KLHL14: variants seen among roughly 807,000 people sequenced by gnomAD.
The protein encoded by KLHL14 is kelch like family member 14.
A neutral mutation model predicts 64.3 loss-of-function variants in KLHL14; 22 were observed. The ratio of observed to expected loss-of-function variants is 0.34; its 90% CI spans 0.24 to 0.49. The LOEUF is 0.49. KLHL14 is among the 20% of genes least tolerant of loss of function. KLHL14 has a pLI of 0.99. For missense variants in KLHL14, 661 were observed against 789.0 expected, an observed-to-expected ratio of 0.84 and a Z score of 1.94; for synonymous variants, 322 against 333.4, an observed-to-expected ratio of 0.97 and a Z score of 0.37.
intron 2 of KLHL14, among the ~76,000 whole-genome samples, chr18:32,756,578 T>C (rs2050283187): frequency 6.6e-6 from 1 of 152,176 alleles, no homozygotes; most frequent in Non-Finnish European, 1.5e-5. Context: ...GCACAAGAGG[T>C]GTCCCTTTTC....
In KLHL14 at chr18:32,770,493, G is replaced by A; in HGVS notation, c.99C>T (p.Cys33=). ...LNLLWRKQLF[C]DVTLTAQGQQ... The stretch of plus-strand genomic sequence containing the variant: ...GGCCCTGGGCCGTCAGGGTCACGTC[G>A]CAAAACAGCTGCTTCCTCCACAGCA... The change falls in exon 2 of 9, where the codon TGC becomes TGT. Residue 33 remains cysteine (C), a synonymous_variant. Coordinates refer to ENST00000359358, the MANE Select transcript of KLHL14 (RefSeq NM_020805.3). The surrounding 1 kb of genome is among the most constrained non-coding windows in gnomAD (Gnocchi z 6.7). The A allele has an allele frequency of 1.9e-6, 3 of 1,612,036 alleles. No homozygotes were observed. The highest frequency in any genetic ancestry group is 1.7e-4 in the Middle Eastern group (1 of 6,060).
chr18:32,740,145 G>C (rs2050188768), intron 3 of KLHL14, among the ~76,000 whole-genome samples: 1 of 152,154 alleles, frequency 6.6e-6, no homozygotes, highest in Non-Finnish European at 1.5e-5. Flanking sequence ...CCTCCAAGCA[G>C]AGCGTTAATT....
chr18:32,708,819 G>A (rs1017094405), intron 3 of KLHL14, among the ~76,000 whole-genome samples: 17 of 152,156 alleles, frequency 1.1e-4, no homozygotes, highest in African/African-American at 4.1e-4. Context: ...GAAGGAGCTC[G>A]TGTTGTGAGA....
At chr18:32,728,946 C>T (rs186872078) in intron 3 of KLHL14, among the ~76,000 whole-genome samples, 13 of 152,280 alleles carry the variant, frequency 8.5e-5, no homozygotes, top group African/African-American at 2.9e-4. Flanking sequence ...GGAGGGAGCA[C>T]GGCCCTGCTG....
intron 8 of KLHL14, 141 bp from the exon 9 acceptor site, chr18:32,674,938 G>A (rs1283140855): frequency 1.8e-6 from 1 of 565,948 alleles, no homozygotes; most frequent in Non-Finnish European, 3.2e-6. Flanking sequence ...GAAAGCAATG[G>A]ATTTTAAACT....
In KLHL14 at chr18:32,680,478, C is replaced by T. The variant is rs1022470981; in HGVS notation, c.1360G>A (p.Val454Met). 2 of 1,613,916 alleles carry T rather than the reference C, an allele frequency of 1.2e-6. No homozygotes were observed. Among genetic ancestry groups the T allele is most frequent in the Admixed American group, 1.7e-5 (1 of 59,978 alleles). Reference sequence around the variant, plus strand: ...GCCAGAGGCTGTGGCAAAGAGGACACATAGCGCCATTCATTCGTTTCTAGG... The same window carrying T: ...GCCAGAGGCTGTGGCAAAGAGGACATATAGCGCCATTCATTCGTTTCTAGG... The part of the protein sequence containing the change: ...YNLETNEWRY[V>M]SSLPQPLAAH... Residue 454 changes from valine to methionine, a missense_variant, in exon 6 of 9, where the codon GTG (valine) becomes ATG (methionine). Val to Met is a conservative substitution (Grantham distance 21). Transcript: ENST00000359358. The surrounding 1 kb of genome is among the most constrained non-coding windows in gnomAD (Gnocchi z 4.8).
intron 8 of KLHL14, among the ~76,000 whole-genome samples, chr18:32,675,896 TC>T (rs2049808997): frequency 6.6e-6 from 1 of 151,928 alleles, no homozygotes; most frequent in African/African-American, 2.4e-5. Flanking sequence ...GTTTTAAAGC[TC>T]CCCAAAACTT....
intron 2 of KLHL14, among the ~76,000 whole-genome samples, chr18:32,758,413 A>G (rs772999673): frequency 1.1e-4 from 17 of 152,220 alleles, no homozygotes; most frequent in Non-Finnish European, 2.4e-4. Context: ...GGTTATAATG[A>G]AAAAGACAGA....
chr18:32,715,996 A>T (rs1214617887), intron 3 of KLHL14, among the ~76,000 whole-genome samples: 1 of 152,210 alleles, frequency 6.6e-6, no homozygotes, highest in Non-Finnish European at 1.5e-5. Context: ...TGAAATTACT[A>T]AAAAGCCTTA....
intron 3 of KLHL14, among the ~76,000 whole-genome samples, 196 bp downstream of exon 3, chr18:32,741,732 C>T (rs571722880): frequency 3.3e-5 from 5 of 152,138 alleles, no homozygotes; most frequent in Admixed American, 1.3e-4. Flanking sequence ...TAGGCCTACT[C>T]GACTACCAAA....
intron 2 of KLHL14, among the ~76,000 whole-genome samples, chr18:32,761,351 T>G (rs2050312791): frequency 6.6e-6 from 1 of 152,020 alleles, no homozygotes; most frequent in African/African-American, 2.4e-5. Context: ...ACTTCCTGTA[T>G]GATTTGGACA....
At chr18:32,772,289 TG>T in intron 1 of KLHL14, 1 of 376,788 alleles carries the variant, frequency 2.7e-6, no homozygotes, top group Non-Finnish European at 5.5e-6. Context: ...CCGTTCCAGG[TG>T]GACCCTACCC....
intron 2 of KLHL14, among the ~76,000 whole-genome samples, chr18:32,768,311 C>T (rs1338790940): frequency 2.0e-5 from 3 of 151,796 alleles, no homozygotes; most frequent in African/African-American, 7.3e-5. Context: ...CTCCTTAACA[C>T]AAGAGCTGCC....
chr18:32,766,374 G>A (rs1301517139), intron 2 of KLHL14, among the ~76,000 whole-genome samples: 1 of 151,956 alleles, frequency 6.6e-6, no homozygotes, highest in Non-Finnish European at 1.5e-5. Flanking sequence ...TGCATATCAT[G>A]TCGCTTTATG....
At chr18:32,676,713 G>A (rs890964767) in intron 8 of KLHL14, among the ~76,000 whole-genome samples, 11 of 152,016 alleles carry the variant, frequency 7.2e-5, no homozygotes, top group African/African-American at 2.4e-4. Context: ...TTCTAATCTC[G>A]ATTTTTGTGT....
chr18:32,687,274 T>C (rs756017929), intron 4 of KLHL14, 41 bp from the exon 5 acceptor site: 2 of 1,489,376 alleles, frequency 1.3e-6, no homozygotes, highest in South Asian at 2.3e-5. Context: ...TTAGATTCTT[T>C]TGTTGATTTG....
intron 2 of KLHL14, among the ~76,000 whole-genome samples, chr18:32,762,862 G>A (rs1032437519): frequency 1.3e-5 from 2 of 152,048 alleles, no homozygotes; most frequent in African/African-American, 4.8e-5. Context: ...TCTAACAATT[G>A]TTAAATTGAT....
chr18:32,756,150 G>C (rs993722309), intron 2 of KLHL14, among the ~76,000 whole-genome samples: 1 of 152,156 alleles, frequency 6.6e-6, no homozygotes, highest in Non-Finnish European at 1.5e-5. Context: ...AGGTCATAAG[G>C]GTGAGGCCCT....
intron 3 of KLHL14, among the ~76,000 whole-genome samples, chr18:32,699,023 A>G (rs1315953539): frequency 6.6e-6 from 1 of 152,196 alleles, no homozygotes; most frequent in Non-Finnish European, 1.5e-5. Context: ...AGCAATCGTA[A>G]CAAGCTGAAT....
Sources: gnomAD v4.1 joint callset for allele counts (sites outside exome capture counted in the v4.1 genomes callset) on GRCh38, gnomAD v4.1.1 for gene constraint, Gnocchi (gnomAD v3.1) non-coding constraint, MANE v1.5 for transcripts, NCBI Gene and HGNC (gene_info 2026-07-23, HGNC 2026-07-21) for gene names.